UGT1A5: variants seen among roughly 807,000 people sequenced by gnomAD.
The protein encoded by UGT1A5 is UDP glucuronosyltransferase family 1 member A5.
In UGT1A5, 29 loss-of-function variants were observed where a neutral mutation model predicts 40.3. That is an observed-to-expected ratio of 0.72 (90% confidence interval 0.54 to 0.98). The LOEUF is 0.98. UGT1A5 is among the 50% of genes least tolerant of loss of function. The probability of loss-of-function intolerance (pLI) is 0.00; values close to 1 mark genes in which losing one functional copy is unlikely to be tolerated. For synonymous variants in UGT1A5, 257 were observed against 262.5 expected, an observed-to-expected ratio of 0.98 and a Z score of 0.20; for missense variants, 678 against 677.9, an observed-to-expected ratio of 1.00 and a Z score of 0.00.
chr2:233,756,397 G>GTT (rs1005447677), intron 1 of UGT1A5: 1 of 151,856 alleles, frequency 6.6e-6, no homozygotes, highest in African/African-American at 2.4e-5. Flanking sequence ...TACAGTATTG[G>GTT]TTTTTTATTT....
chr2:233,772,833 T>TTTAC lies in UGT1A5; in HGVS notation c.*274_*275insTTAC. 1.1e-6 allele frequency: 1 copy of TTTAC among 879,514 alleles called. No homozygotes were observed. Among genetic ancestry groups the TTTAC allele is most frequent in the Non-Finnish European group, 1.6e-6 (1 of 630,664 alleles). The allele number at this position is 879,514 out of a possible 1,614,324, so 54.5% of individuals were successfully genotyped here. A position where few individuals can be genotyped will look rare whatever the true frequency, so the allele number is the denominator to read the frequency against. ...AGGACGTGCAGACAGGCTGGCATTC[T>TTTAC]AGATTACTTTTCTTACTCTGAAACA... On this transcript the variant is annotated 3_prime_UTR_variant, in exon 5 of 5. Transcript: ENST00000373414.
intron 1 of UGT1A5, among the ~76,000 whole-genome samples, chr2:233,751,139 G>A (rs1273905721): frequency 6.6e-6 from 1 of 151,986 alleles, no homozygotes; most frequent in East Asian, 1.9e-4. Context: ...TGAGACTGTG[G>A]GAGCCCACTT....
intron 1 of UGT1A5, chr2:233,747,193 C>T (rs1693585956): frequency 1.9e-6 from 3 of 1,603,982 alleles, no homozygotes; most frequent in Non-Finnish European, 2.6e-6. Flanking sequence ...GGACAGTCAG[C>T]TGTCCGTGTC....
At chr2:233,760,638 A>G (rs752920136) in intron 1 of UGT1A5, 10 of 1,614,086 alleles carry the variant, frequency 6.2e-6, no homozygotes, top group African/African-American at 1.3e-5. Context: ...AGAAAATAAA[A>G]AAGGACTCTG....
intron 1 of UGT1A5, among the ~76,000 whole-genome samples, chr2:233,757,560 A>ATT (rs904896556): frequency 8.1e-6 from 1 of 123,146 alleles, no homozygotes; most frequent in African/African-American, 3.4e-5. Flanking sequence ...ATATATATAT[A>ATT]TGTATATATG....
rs1007277466 is a variant in UGT1A5 at position 233,747,537 on chromosome 2, A to G, written c.868-19497A>G. On this transcript the variant is annotated intron_variant, in intron 1 of 4. Coordinates refer to ENST00000373414, the MANE Select transcript of UGT1A5 (RefSeq NM_019078.2). ...CTTTGAAACAGAACATTTTCTGAAG[A>G]CATTTTCTAAAAGTATGGCAATTTT... The G allele has an allele frequency of 2.1e-5, 33 of 1,604,828 alleles. No individual in the cohort carries two copies. The Admixed American group carries it at 5.3e-4, about 26-fold the overall frequency.
At chr2:233,744,136 G>C (rs1692703742) in intron 1 of UGT1A5, 1 of 352,210 alleles carries the variant, frequency 2.8e-6, no homozygotes, top group East Asian at 7.7e-5. Flanking sequence ...GTGAGGCCCT[G>C]TGATGCTCCA....
Position 233,760,634 on chromosome 2 carries a change from T to TA in UGT1A5, c.868-6394dup, listed in dbSNP as rs748219743. On this transcript the variant is annotated intron_variant, in intron 1 of 4. Coordinates refer to ENST00000373414, the MANE Select transcript of UGT1A5 (RefSeq NM_019078.2). ...CGTGTGATCAAAACATACAAGAAAA[T>TA]AAAAAAGGACTCTGCTATGCTTTTG... 6.2e-6 allele frequency: 10 copies of TA among 1,614,070 alleles called. No homozygotes were observed. In the South Asian group the frequency reaches 8.8e-5, roughly 14 times the overall value.
At chr2:233,721,428 G>A (rs2076944672) in intron 1 of UGT1A5, 1 of 157,010 alleles carries the variant, frequency 6.4e-6, no homozygotes, top group South Asian at 1.9e-4. Flanking sequence ...TAAGCATTGT[G>A]GTTTTAATGT....
At chr2:233,727,130 G>A (rs2077585965) in intron 1 of UGT1A5, among the ~76,000 whole-genome samples, 1 of 152,168 alleles carries the variant, frequency 6.6e-6, no homozygotes, top group Non-Finnish European at 1.5e-5. Context: ...TGGCAGAGGG[G>A]AACAAGACCA....
At chr2:233,748,086 G>A (rs1376410311) in intron 1 of UGT1A5, 37 of 1,612,904 alleles carry the variant, frequency 2.3e-5, no homozygotes, top group Non-Finnish European at 2.9e-5. Context: ...TCAGGTCGGT[G>A]TTCGTGCCTT....
intron 1 of UGT1A5, among the ~76,000 whole-genome samples, chr2:233,762,398 T>G (rs969226920): frequency 6.6e-6 from 1 of 152,192 alleles, no homozygotes; most frequent in Non-Finnish European, 1.5e-5. Flanking sequence ...TATGTAAAAT[T>G]TTTTGGTTGC....
At chr2:233,757,535 A>AATAAATATACATATAC (rs1553619837) in intron 1 of UGT1A5, among the ~76,000 whole-genome samples, 3 of 88,310 alleles carry the variant, frequency 3.4e-5, no homozygotes, top group African/African-American at 1.5e-4. Context: ...GCCTGTAAGG[A>AATAAATATACATATAC]ATATATATAT....
chr2:233,729,675 G>A, intron 1 of UGT1A5: 1 of 1,613,858 alleles, frequency 6.2e-7, no homozygotes, highest in Non-Finnish European at 8.5e-7. Flanking sequence ...TAGACTTTAA[G>A]GGCACACAGT....
chr2:233,744,723 G>C (rs187577100), intron 1 of UGT1A5, among the ~76,000 whole-genome samples: 1 of 151,758 alleles, frequency 6.6e-6, no homozygotes, highest in African/African-American at 2.4e-5. Context: ...AGAGAATGAC[G>C]GTGAAAAAAT....
At chr2:233,747,331 C>T in intron 1 of UGT1A5, 1 of 1,603,324 alleles carries the variant, frequency 6.2e-7, no homozygotes. Flanking sequence ...TGATGGCAGC[C>T]ACTGGCTCGC....
Position 233,768,305 on chromosome 2 carries a change from G to A in UGT1A5, c.1173G>A (p.Met391Ile), listed in dbSNP as rs1559415443. The A allele has an allele frequency of 1.2e-6, 2 of 1,614,084 alleles. No homozygotes were observed. Among genetic ancestry groups the A allele is most frequent in the Admixed American group, 1.7e-5 (1 of 59,988 alleles). ...TATGCAATGGCGTTCCCATGGTGAT[G>A]ATGCCCTTGTTTGGTGATCAGATGG... is the stretch of plus-strand genomic sequence containing the variant. ...ESICNGVPMV[M>I]MPLFGDQMDN... The change falls in exon 4 of 5, where the codon ATG becomes ATA. Residue 391 changes from methionine to isoleucine, a missense_variant. By Grantham distance (10) the Met-to-Ile change is conservative. Transcript: ENST00000373414.
At chr2:233,755,969 A>T (rs2125939557) in intron 1 of UGT1A5, 1 of 152,304 alleles carries the variant, frequency 6.6e-6, no homozygotes, top group African/African-American at 2.4e-5. Context: ...GGCTCTATAG[A>T]GAGGTGGATT....
At chr2:233,768,004 T>C in intron 3 of UGT1A5, 68 bp downstream of exon 3, 1 of 1,614,092 alleles carries the variant, frequency 6.2e-7, no homozygotes, top group South Asian at 1.1e-5. Context: ...TAAGCACAGC[T>C]ATTCTAAAGG....
Sources: allele counts gnomAD v4.1 joint callset (sites outside exome capture counted in the v4.1 genomes callset), GRCh38; gene constraint gnomAD v4.1.1; transcripts MANE v1.5; gene names NCBI Gene and HGNC (gene_info 2026-07-23, HGNC 2026-07-21).